The following SMURF1 variants were observed in gnomAD, a reference collection of about 807,000 sequenced individuals.
SMURF1 encodes E3 ubiquitin-protein ligase SMURF1.
SMURF1 carries 44 observed loss-of-function variants against 98.0 expected under a neutral mutation model. That is an observed-to-expected ratio of 0.45 (90% CI 0.35 to 0.58). The LOEUF (loss-of-function observed/expected upper bound fraction) is 0.58. Ranked by LOEUF, SMURF1 falls within the 20% of genes least tolerant of loss-of-function variation. The probability of loss-of-function intolerance (pLI) is 0.00; values close to 1 mark genes in which losing one functional copy is unlikely to be tolerated. For synonymous variants in SMURF1, 396 were observed against 374.9 expected, an observed-to-expected ratio of 1.06 and a Z score of -0.65; for missense variants, 687 against 938.4, an observed-to-expected ratio of 0.73 and a Z score of 3.50.
intron 1 of SMURF1, among the ~76,000 whole-genome samples, chr7:99,123,355 A>G (rs988634338): frequency 3.9e-5 from 6 of 152,108 alleles, no homozygotes; most frequent in Non-Finnish European, 5.9e-5. Flanking sequence ...CAACATTGTG[A>G]GACCCTGTCT....
intron 1 of SMURF1, among the ~76,000 whole-genome samples, chr7:99,128,564 T>C (rs1475942790): frequency 6.6e-6 from 1 of 152,252 alleles, no homozygotes; most frequent in Admixed American, 6.5e-5. Context: ...CTCTACAAGT[T>C]GGTCCTTAAA....
At chr7:99,096,993 A>G (rs1796969089) in intron 1 of SMURF1, among the ~76,000 whole-genome samples, 1 of 152,204 alleles carries the variant, frequency 6.6e-6, no homozygotes, top group Non-Finnish European at 1.5e-5. Flanking sequence ...GAAAATCTTC[A>G]AACACTTGGA....
chr7:99,097,529 C>T (rs944458208), intron 1 of SMURF1, among the ~76,000 whole-genome samples: 2 of 152,194 alleles, frequency 1.3e-5, no homozygotes, highest in Non-Finnish European at 2.9e-5. Flanking sequence ...CTCTCTCACA[C>T]ATGTTCTCTT....
intron 1 of SMURF1, among the ~76,000 whole-genome samples, chr7:99,109,103 C>T (rs111519286): frequency 0.013 from 1,964 of 152,260 alleles, 48 homozygotes; most frequent in African/African-American, 0.044. Flanking sequence ...GACTGACTCC[C>T]TGTTAACTTC....
chr7:99,063,279 A>ATATATATATATATATATATAAGATTTT (rs1796104178), intron 1 of SMURF1, among the ~76,000 whole-genome samples: 2 of 19,352 alleles, frequency 1.0e-4, no homozygotes. Flanking sequence ...ATATATATAT[A>ATATATATATATATATATATAAGATTTT]TATATATATA....
chr7:99,127,728 T>G (rs1487549467), intron 1 of SMURF1, among the ~76,000 whole-genome samples: 3 of 152,124 alleles, frequency 2.0e-5, no homozygotes, highest in Non-Finnish European at 4.4e-5. Flanking sequence ...AGTTGGGTTT[T>G]TTTCCTGAAT....
At chr7:99,096,803 G>A (rs898796055) in intron 1 of SMURF1, among the ~76,000 whole-genome samples, 8 of 152,028 alleles carry the variant, frequency 5.3e-5, no homozygotes, top group African/African-American at 1.9e-4. Context: ...TTAACTAACG[G>A]GATCAAACTG....
intron 6 of SMURF1, among the ~76,000 whole-genome samples, chr7:99,053,993 T>A (rs919884133): frequency 1.3e-5 from 2 of 152,158 alleles, no homozygotes; most frequent in African/African-American, 4.8e-5. Context: ...CGCAGTGGTG[T>A]GATCAGGGTT....
Position 99,143,757 on chromosome 7 carries a change from C to T in SMURF1, c.24G>A (p.Arg8=), listed in dbSNP as rs570499419. The T allele has an allele frequency of 6.4e-6, 10 of 1,562,550 alleles. No individual in the cohort carries two copies. The South Asian group carries it at 1.2e-4, about 18-fold the overall frequency. Residue 8 remains arginine, a synonymous_variant, in exon 1 of 18, where the codon AGG becomes AGA. Coordinates refer to ENST00000361368, the MANE Select transcript of SMURF1 (RefSeq NM_181349.3). MSNPGTR[R]NGSSIKIRLT... The stretch of plus-strand genomic sequence containing the variant: ...GACGGATCTTGATGCTGGAGCCGTT[C>T]CTGCGTGTCCCGGGGTTCGACATCT...
rs768392448 is a variant in SMURF1, at chr7:99,047,794, A to C, written c.1042T>G (p.Tyr348Asp). ...LEDEELPAQR[Y>D]ERDLVQKLKV... ...AGCTTCTGGACTAGATCTCTTTCGT[A>C]TCTCTGGGCAGGAAGCTCCTCGTCC... is the stretch of plus-strand genomic sequence containing the variant. The change falls in exon 10 of 18, where the codon TAC (tyrosine) becomes GAC (aspartate). Residue 348 changes from tyrosine to aspartate, a missense_variant. Tyr to Asp is a radical substitution (Grantham distance 160). This residue lies in a region of SMURF1 where 415 missense variants were observed against 508.4 expected (regional missense o/e 0.82). Coordinates refer to ENST00000361368, the MANE Select transcript of SMURF1 (RefSeq NM_181349.3). 1.2e-6 allele frequency: 2 copies of C among 1,614,020 alleles called. No individual in the cohort carries two copies. Among genetic ancestry groups the C allele is most frequent in the Non-Finnish European group, 1.7e-6 (2 of 1,180,032 alleles).
intron 17 of SMURF1, 86 bp from the exon 18 acceptor site, chr7:99,030,769 A>T: frequency 7.3e-5 from 56 of 767,810 alleles, no homozygotes; most frequent in Non-Finnish European, 7.7e-5. Flanking sequence ...TGAGAAGTAT[A>T]TGTGGGAGGG....
intron 1 of SMURF1, among the ~76,000 whole-genome samples, chr7:99,142,579 T>G (rs1798152125): frequency 5.7e-5 from 4 of 69,606 alleles, no homozygotes; most frequent in African/African-American, 1.8e-4. Flanking sequence ...TAGGCAGGAA[T>G]GAGGGCGGGG....
chr7:99,046,731 C>CAAAAA (rs56788889), intron 10 of SMURF1, among the ~76,000 whole-genome samples: 3 of 74,656 alleles, frequency 4.0e-5, no homozygotes, highest in African/African-American at 1.1e-4. Flanking sequence ...GACTCCGTCT[C>CAAAAA]AAAAAAAAAA....
chr7:99,032,546 G>A (rs1366277774), intron 17 of SMURF1, among the ~76,000 whole-genome samples: 3 of 152,208 alleles, frequency 2.0e-5, no homozygotes, highest in South Asian at 4.1e-4. Context: ...GCGTGCGCCT[G>A]TAGTCCCAGC....
intron 7 of SMURF1, 130 bp downstream of exon 7, chr7:99,052,075 C>A: frequency 7.7e-7 from 1 of 1,294,664 alleles, no homozygotes; most frequent in Non-Finnish European, 1.0e-6. Flanking sequence ...GTCAAGGCTG[C>A]CGTGAGCCAT....
At chr7:99,121,071 A>G (rs1445426614) in intron 1 of SMURF1, 1 of 152,094 alleles carries the variant, frequency 6.6e-6, no homozygotes, top group African/African-American at 2.4e-5. Context: ...GGGCATCAAG[A>G]TATTGAAATT....
chr7:99,118,768 A>G (rs1207756763), intron 1 of SMURF1, among the ~76,000 whole-genome samples: 2 of 152,192 alleles, frequency 1.3e-5, no homozygotes, highest in Non-Finnish European at 2.9e-5. Flanking sequence ...TTATACACGT[A>G]AATTTTATGT....
chr7:99,040,599 C>A (rs780109257), intron 12 of SMURF1, 43 bp from the exon 13 acceptor site: 51 of 1,371,736 alleles, frequency 3.7e-5, no homozygotes, highest in Non-Finnish European at 4.7e-5. Flanking sequence ...AGCATGGTGC[C>A]GGCCAATGTG....
chr7:99,035,549 C>G lies in SMURF1; in HGVS notation c.1977G>C (p.Thr659=), dbSNP rs375681273. 1.9e-6 allele frequency: 3 copies of G among 1,614,118 alleles called. No homozygotes were observed. In the African/African-American group the frequency reaches 4.0e-5, roughly 22 times the overall value. The stretch of plus-strand genomic sequence containing the variant: ...CCTTGAAGCCTTGGAGCGGGACTCG[C>G]GTGGACCCAGTCACAAACTGCAGGA... ...ARLLQFVTGS[T]RVPLQGFKAL... is the part of the protein sequence containing the mutation. The change falls in exon 16 of 18, where the codon ACG becomes ACC. Residue 659 remains threonine (T), a synonymous_variant. Transcript: ENST00000361368.
Sources: gnomAD v4.1 joint callset for allele counts (sites outside exome capture counted in the v4.1 genomes callset) on GRCh38, gnomAD v4.1.1 for gene constraint, gnomAD v4.1.1 regional missense constraint, MANE v1.5 for transcripts, NCBI Gene and HGNC (gene_info 2026-07-23, HGNC 2026-07-21) for gene names.